SMC3: variants seen among roughly 807,000 people sequenced by gnomAD.
SMC3 encodes the protein structural maintenance of chromosomes 3, also known as structural maintenance of chromosomes protein 3.
Under a neutral mutation model 171.8 loss-of-function variants are expected in SMC3, and 20 were observed. The observed-to-expected ratio is 0.12, with a 90% CI of 0.08 to 0.17. The LOEUF is 0.17. SMC3 is among the 10% of genes least tolerant of loss of function. The probability of loss-of-function intolerance (pLI) is 1.00; values close to 1 mark genes in which losing one functional copy is unlikely to be tolerated. For synonymous variants in SMC3, 464 were observed against 451.1 expected (o/e 1.03, Z -0.36); for missense variants, 543 against 1,420.4 (o/e 0.38, Z 9.93).
At chr10:110,603,108 GAGTAA>G in intron 27 of SMC3, 71 bp from the exon 28 acceptor site, 2 of 1,523,974 alleles carry the variant, frequency 1.3e-6, no homozygotes, top group Non-Finnish European at 1.8e-6. Context: ...ATTTTAGTAA[GAGTAA>G]AGATAGTTGC....
At chr10:110,573,555 T>G in intron 2 of SMC3, 152 bp from the exon 3 acceptor site, 1 of 477,684 alleles carries the variant, frequency 2.1e-6, no homozygotes. Flanking sequence ...TATAGTTGTT[T>G]TATTGGTTTC....
chr10:110,578,881 A>G (rs1860993357), intron 7 of SMC3, among the ~76,000 whole-genome samples, 175 bp downstream of exon 7: 1 of 152,216 alleles, frequency 6.6e-6, no homozygotes, highest in African/African-American at 2.4e-5. Flanking sequence ...GTATTTCAGC[A>G]TATTAAGTGG....
Position 110,589,585 on chromosome 10 carries a change from A to G in SMC3, c.1306-20A>G, listed in dbSNP as rs779307142. 1 of 1,507,516 alleles carries G rather than the reference A, an allele frequency of 6.6e-7. No homozygotes were observed. Among genetic ancestry groups the G allele is most frequent in the Admixed American group, 1.7e-5 (1 of 58,458 alleles). 93.4% of individuals were successfully genotyped at this position (1,507,516 alleles called of 1,614,324 possible). A position where few individuals can be genotyped will look rare whatever the true frequency, so the allele number is the denominator to read the frequency against. ...TTAGTTTCATGAAATTGAATTTTAA[A>G]TTTATTTTTATTTCCATAGAAACTG... On this transcript the variant is annotated intron_variant, in intron 13 of 28. Transcript: ENST00000361804.
chr10:110,578,510 G>T, intron 6 of SMC3, 118 bp from the exon 7 acceptor site: 1 of 726,012 alleles, frequency 1.4e-6, no homozygotes, highest in Non-Finnish European at 2.4e-6. Flanking sequence ...GGATGATACA[G>T]ATGGTTTAAT....
chr10:110,601,531 A>G, intron 23 of SMC3, 106 bp from the exon 24 acceptor site: 1 of 1,266,280 alleles, frequency 7.9e-7, no homozygotes, highest in South Asian at 1.3e-5. Context: ...TTTTAAACAC[A>G]AAACCTAAAA....
chr10:110,586,172 GT>G (rs1478287167), intron 13 of SMC3, among the ~76,000 whole-genome samples: 1 of 152,172 alleles, frequency 6.6e-6, no homozygotes, highest in Non-Finnish European at 1.5e-5. Flanking sequence ...CCTCAGTGAA[GT>G]TTTAAAGAAA....
At chr10:110,584,015 T>A in intron 12 of SMC3, 53 bp downstream of exon 12, 8 of 1,602,672 alleles carry the variant, frequency 5.0e-6, no homozygotes, top group Non-Finnish European at 6.8e-6. Context: ...TATGTAAAAC[T>A]AGGTTGTCCG....
rs1192572982 is a variant in SMC3, at chr10:110,601,033, G to A, written c.2547G>A (p.Glu849=). The A allele has an allele frequency of 1.2e-6, 2 of 1,612,678 alleles. No homozygotes were observed. Among genetic ancestry groups the A allele is most frequent in the South Asian group, 1.1e-5 (1 of 91,012 alleles). Reference sequence around the variant, plus strand: ...ATTTTTTGTTACAGGAACTTAATGAGCTGAGAGAGACAGAAGGGGGTACTG... The same window carrying A: ...ATTTTTTGTTACAGGAACTTAATGAACTGAGAGAGACAGAAGGGGGTACTG... ...RLDQVEQELN[E]LRETEGGTVL... is the part of the protein sequence containing the mutation. Residue 849 remains glutamate, a synonymous_variant, in exon 23 of 29, where the codon GAG becomes GAA. Transcript: ENST00000361804.
At chr10:110,585,134 C>G (rs1861089623) in intron 13 of SMC3, among the ~76,000 whole-genome samples, 1 of 151,972 alleles carries the variant, frequency 6.6e-6, no homozygotes, top group African/African-American at 2.4e-5. Flanking sequence ...GCATGCACCA[C>G]CAAGCCCAGC....
chr10:110,602,337 A>T, intron 25 of SMC3, 137 bp from the exon 26 acceptor site: 1 of 952,282 alleles, frequency 1.1e-6, no homozygotes, highest in Non-Finnish European at 1.6e-6. Context: ...TGAATGTTTT[A>T]CACAGCCCTT....
At chr10:110,582,861 T>TCTTA (rs1237880882) in intron 10 of SMC3, among the ~76,000 whole-genome samples, 1 of 151,580 alleles carries the variant, frequency 6.6e-6, no homozygotes, top group East Asian at 1.9e-4. Flanking sequence ...AGAGACAAGG[T>TCTTA]CTTACCATGT....
chr10:110,588,181 G>A (rs959559990), intron 13 of SMC3, among the ~76,000 whole-genome samples: 5 of 152,114 alleles, frequency 3.3e-5, no homozygotes, highest in African/African-American at 9.7e-5. Flanking sequence ...CAGTAGAGAC[G>A]GGGTTTCACG....
At chr10:110,602,700 A>G (rs1463171289) in intron 26 of SMC3, 35 bp downstream of exon 26, 2 of 1,587,116 alleles carry the variant, frequency 1.3e-6, no homozygotes, top group East Asian at 2.2e-5. Flanking sequence ...TCCTCAGAGC[A>G]TTACCATAAT....
chr10:110,602,738 G>T, intron 26 of SMC3, 73 bp downstream of exon 26: 1 of 1,567,088 alleles, frequency 6.4e-7, no homozygotes, highest in Non-Finnish European at 8.8e-7. Flanking sequence ...TTGCAAATCT[G>T]ATTGGTGCAT....
intron 18 of SMC3, among the ~76,000 whole-genome samples, chr10:110,595,019 C>G (rs192745931): frequency 4.1e-4 from 61 of 147,338 alleles, no homozygotes; most frequent in Non-Finnish European, 2.1e-4. Flanking sequence ...GATGGAGTTT[C>G]GAGCCCAGGC....
rs771561635 is a variant in SMC3, at chr10:110,575,374, C to T, written c.169C>T (p.Arg57Cys). 1.2e-6 allele frequency: 2 copies of T among 1,613,516 alleles called. No individual in the cohort carries two copies. Among genetic ancestry groups the T allele is most frequent in the Non-Finnish European group, 8.5e-7 (1 of 1,179,656 alleles). The change falls in exon 4 of 29, where the codon CGT becomes TGT. Residue 57 changes from arginine to cysteine, a missense_variant. Around this residue, in one of 8 missense-constraint regions of SMC3, gnomAD observed 146 missense variants for 437.9 expected, o/e 0.33. Transcript: ENST00000361804. ...TCTCAGTGATGAGTTTAGTCATCTT[C>T]GTCCAGAACAGCGGTTGGCTTTATT... ...FVLSDEFSHL[R>C]PEQRLALLHE... is the part of the protein sequence containing the mutation.
Position 110,605,169 on chromosome 10 carries a change from T to C in SMC3, c.*867T>C, listed in dbSNP as rs935872904. On this transcript the variant is annotated 3_prime_UTR_variant, in exon 29 of 29. Coordinates refer to ENST00000361804, the MANE Select transcript of SMC3 (RefSeq NM_005445.4). Reference sequence around the variant, plus strand: ...ATTAACATGTTTTATCACTGATGTTTACCTTGATCACCTACCCAACATTGT... The same window carrying C: ...ATTAACATGTTTTATCACTGATGTTCACCTTGATCACCTACCCAACATTGT... 1.3e-5 allele frequency among the ~76,000 whole-genome samples: 2 copies of C among 152,230 alleles called. No homozygotes were observed. Among genetic ancestry groups the C allele is most frequent in the African/African-American group, 4.8e-5 (2 of 41,468 alleles).
At chr10:110,590,704 AG>A (rs1861193079) in intron 16 of SMC3, 132 bp downstream of exon 16, 2 of 783,334 alleles carry the variant, frequency 2.6e-6, no homozygotes, top group South Asian at 1.8e-5. Context: ...TTCTAATTAA[AG>A]AAGTAGATGC....
chr10:110,584,606 A>T (rs1249175922), intron 13 of SMC3, among the ~76,000 whole-genome samples: 2 of 152,152 alleles, frequency 1.3e-5, no homozygotes, highest in East Asian at 3.8e-4. Context: ...ATGTAGATTA[A>T]GTATATTAAA....
Sources: gnomAD v4.1 joint callset for allele counts (sites outside exome capture counted in the v4.1 genomes callset) on GRCh38, gnomAD v4.1.1 for gene constraint, gnomAD v4.1.1 regional missense constraint, MANE v1.5 for transcripts, NCBI Gene and HGNC (gene_info 2026-07-23, HGNC 2026-07-21) for gene names.